Variants in PDE8A observed in about 807,000 individuals in gnomAD.
The protein encoded by PDE8A is high affinity cAMP-specific and IBMX-insensitive 3',5'-cyclic phosphodiesterase 8A.
PDE8A carries 59 observed loss-of-function variants against 105.0 expected under a neutral mutation model. That is an observed-to-expected ratio of 0.56 (90% CI 0.46 to 0.70). PDE8A has a LOEUF of 0.70. PDE8A is among the 30% of genes least tolerant of loss of function. PDE8A has a pLI of 0.00. For missense variants in PDE8A, 1,014 were observed against 1,045.9 expected (o/e 0.97, Z 0.42); for synonymous variants, 355 against 371.9 (o/e 0.95, Z 0.52).
intron 1 of PDE8A, among the ~76,000 whole-genome samples, chr15:85,036,735 A>G (rs1034226913): frequency 1.3e-5 from 2 of 152,126 alleles, no homozygotes; most frequent in Admixed American, 6.5e-5. Flanking sequence ...CTGCCCATCT[A>G]AAGGAAGTTG....
intron 18 of PDE8A, 110 bp downstream of exon 18, chr15:85,121,124 T>G: frequency 1.4e-6 from 1 of 701,636 alleles, no homozygotes; most frequent in Non-Finnish European, 2.3e-6. Flanking sequence ...GTGCACAAAG[T>G]ATACAGTGGG....
At chr15:85,099,749 T>G (rs1294125724) in intron 9 of PDE8A, 1 of 451,538 alleles carries the variant, frequency 2.2e-6, no homozygotes, top group Non-Finnish European at 3.9e-6. Flanking sequence ...TGCAGTTCAT[T>G]TTAAAAAATA....
At chr15:85,109,440 A>C (rs563411116) in intron 12 of PDE8A, among the ~76,000 whole-genome samples, 1 of 152,368 alleles carries the variant, frequency 6.6e-6, no homozygotes, top group African/African-American at 2.4e-5. Context: ...TGAATTTGAT[A>C]ATTCTTAAAG....
chr15:85,008,814 C>G (rs1475119709), intron 1 of PDE8A, among the ~76,000 whole-genome samples: 2 of 152,122 alleles, frequency 1.3e-5, no homozygotes, highest in African/African-American at 4.8e-5. Context: ...TTTGCTGAAC[C>G]TCGCTAAGGC....
At chr15:85,021,850 G>A (rs924706568) in intron 1 of PDE8A, among the ~76,000 whole-genome samples, 11 of 152,120 alleles carry the variant, frequency 7.2e-5, no homozygotes, top group South Asian at 2.1e-4. Flanking sequence ...CACGTTTGGC[G>A]GGAATACCAC....
chr15:85,040,387 A>G (rs11633746), intron 1 of PDE8A, among the ~76,000 whole-genome samples: 13,138 of 149,458 alleles, frequency 0.088, 1,536 homozygotes, highest in African/African-American at 0.27. Flanking sequence ...AAAAAAAAAA[A>G]AAAGAAAAGA....
chr15:85,106,644 G>T lies in PDE8A; in HGVS notation c.1037-2409G>T, dbSNP rs79926220. Among the ~76,000 whole-genome samples the T allele has an allele frequency of 4.2e-3, 632 of 152,284 alleles. 48 individuals are homozygous for T. The East Asian group carries it at 0.11, about 25-fold the overall frequency. On this transcript the variant is annotated intron_variant, in intron 11 of 21. Coordinates refer to ENST00000394553, the MANE Select transcript of PDE8A (RefSeq NM_002605.3). ...TTGAAGGAATGAACACTTGGAGAGG[G>T]TGCAGTGTTGTGTCTCAGACAGAAG... is the stretch of plus-strand genomic sequence containing the variant.
chr15:85,015,625 C>T (rs971772764), intron 1 of PDE8A, among the ~76,000 whole-genome samples: 1 of 152,100 alleles, frequency 6.6e-6, no homozygotes, highest in Non-Finnish European at 1.5e-5. Flanking sequence ...TTTGTGATAT[C>T]TCACTATGGT....
intron 8 of PDE8A, among the ~76,000 whole-genome samples, chr15:85,093,374 A>AATTC (rs1226668384): frequency 6.6e-6 from 1 of 152,168 alleles, no homozygotes; most frequent in Non-Finnish European, 1.5e-5. Context: ...AAGAATCCAT[A>AATTC]ATTCCATCTC....
intron 6 of PDE8A, among the ~76,000 whole-genome samples, chr15:85,088,861 G>A (rs2081595160): frequency 6.6e-6 from 1 of 152,216 alleles, no homozygotes; most frequent in Non-Finnish European, 1.5e-5. Flanking sequence ...AAAGCAGGAA[G>A]CAAAGCTAGT....
At chr15:85,109,020 T>A (rs747531501) in intron 11 of PDE8A, 33 bp from the exon 12 acceptor site, 2 of 1,438,272 alleles carry the variant, frequency 1.4e-6, no homozygotes, top group Admixed American at 3.6e-5. Context: ...TTTAAATATC[T>A]TTGAAGAGGT....
At chr15:85,035,014 C>G (rs2080680291) in intron 1 of PDE8A, among the ~76,000 whole-genome samples, 1 of 152,036 alleles carries the variant, frequency 6.6e-6, no homozygotes, top group Non-Finnish European at 1.5e-5. Flanking sequence ...CAAGGGGTAA[C>G]AGAAACAATG....
At chr15:85,089,531 GTT>G in intron 7 of PDE8A, 115 bp downstream of exon 7, 1 of 554,534 alleles carries the variant, frequency 1.8e-6, no homozygotes, top group Admixed American at 3.4e-5. Context: ...TAGGAGACCA[GTT>G]TTTCCTTCGA....
At chr15:85,038,574 A>G (rs1226457096) in intron 1 of PDE8A, among the ~76,000 whole-genome samples, 1 of 152,206 alleles carries the variant, frequency 6.6e-6, no homozygotes, top group African/African-American at 2.4e-5. Flanking sequence ...AGACTGGGAG[A>G]AAAGATTTGC....
chr15:85,036,972 C>T (rs1445269062), intron 1 of PDE8A, among the ~76,000 whole-genome samples: 5 of 152,078 alleles, frequency 3.3e-5, no homozygotes, highest in Non-Finnish European at 7.4e-5. Context: ...CAGCTTCTTC[C>T]CCAGTGGCAG....
intron 3 of PDE8A, among the ~76,000 whole-genome samples, chr15:85,070,677 A>C (rs764187143): frequency 6.6e-5 from 10 of 152,196 alleles, no homozygotes; most frequent in Non-Finnish European, 1.2e-4. Context: ...CTGGTCAGGC[A>C]GATGTGGAGT....
At chr15:84,989,432 A>G (rs1307710863) in intron 1 of PDE8A, among the ~76,000 whole-genome samples, 2 of 151,974 alleles carry the variant, frequency 1.3e-5, no homozygotes, top group African/African-American at 4.8e-5. Context: ...ACTTCCTCTT[A>G]CTCTGCTTAT....
chr15:85,035,785 G>A (rs1343245802), intron 1 of PDE8A, among the ~76,000 whole-genome samples: 1 of 152,218 alleles, frequency 6.6e-6, no homozygotes, highest in Non-Finnish European at 1.5e-5. Context: ...AATATAAACA[G>A]ACCAACTTTC....
At chr15:85,129,809 C>G (rs945191278) in intron 20 of PDE8A, among the ~76,000 whole-genome samples, 2 of 152,146 alleles carry the variant, frequency 1.3e-5, no homozygotes. Flanking sequence ...TAGGCATTTA[C>G]AGCTGTTAAT....
Sources: allele counts gnomAD v4.1 joint callset (sites outside exome capture counted in the v4.1 genomes callset), GRCh38; gene constraint gnomAD v4.1.1; transcripts MANE v1.5; gene names NCBI Gene and HGNC (gene_info 2026-07-23, HGNC 2026-07-21).